TTC7A: variants seen among roughly 807,000 people sequenced by gnomAD.
TTC7A encodes tetratricopeptide repeat protein 7A.
A neutral mutation model predicts 103.7 loss-of-function variants in TTC7A; 110 were observed. That is an observed-to-expected ratio of 1.06 (90% CI 0.91 to 1.24). The LOEUF (loss-of-function observed/expected upper bound fraction) is 1.24, where lower values mean the gene tolerates loss of function less well. TTC7A is among the 50% of genes most tolerant of loss of function. The probability of loss-of-function intolerance (pLI) is 0.00; values close to 1 mark genes in which losing one functional copy is unlikely to be tolerated. For missense variants in TTC7A, 1,340 were observed against 1,116.3 expected, an observed-to-expected ratio of 1.20 and a Z score of -2.86; for synonymous variants, 521 against 467.9, an observed-to-expected ratio of 1.11 and a Z score of -1.47.
intron 14 of TTC7A, among the ~76,000 whole-genome samples, chr2:47,026,015 G>A (rs566264809): frequency 9.8e-5 from 15 of 152,354 alleles, no homozygotes; most frequent in African/African-American, 2.6e-4. Flanking sequence ...ATCCCTCTCT[G>A]ATGAATAGCA....
At position 47,024,278 on chromosome 2, in the gene TTC7A, C is replaced by T. The variant is rs375554852; in HGVS notation, c.1569-9C>T. On this transcript the variant is annotated splice_polypyrimidine_tract_variant and intron_variant, in intron 13 of 19. Coordinates refer to ENST00000319190, the MANE Select transcript of TTC7A (RefSeq NM_020458.4). ...GGTGCCTGACTTGTCACTCCCTCTCCCCACACAGGGCTCAGCAGCTGGCGC... is the reference window on the plus strand; with the variant it reads ...GGTGCCTGACTTGTCACTCCCTCTCTCCACACAGGGCTCAGCAGCTGGCGC... 3.0e-5 allele frequency: 48 copies of T among 1,592,472 alleles called. No homozygotes were observed. In the African/African-American group the frequency reaches 5.5e-4, roughly 18 times the overall value.
chr2:46,962,938 A>G (rs1332312572), intron 3 of TTC7A, among the ~76,000 whole-genome samples: 1 of 152,224 alleles, frequency 6.6e-6, no homozygotes, highest in Non-Finnish European at 1.5e-5. Flanking sequence ...CCTTTGGGCA[A>G]TTGCCATTGC....
At chr2:47,042,610 T>C (rs1681872600) in intron 15 of TTC7A, among the ~76,000 whole-genome samples, 1 of 152,158 alleles carries the variant, frequency 6.6e-6, no homozygotes, top group African/African-American at 2.4e-5. Flanking sequence ...TGCCAAAGTA[T>C]ATTTTGGGGT....
intron 3 of TTC7A, among the ~76,000 whole-genome samples, chr2:46,964,070 C>G (rs1157645950): frequency 6.6e-6 from 1 of 152,218 alleles, no homozygotes; most frequent in African/African-American, 2.4e-5. Context: ...TCAGGTTACA[C>G]CAGTAGTTGC....
intron 2 of TTC7A, among the ~76,000 whole-genome samples, chr2:46,955,657 G>A (rs985461801): frequency 1.6e-4 from 24 of 152,204 alleles, no homozygotes; most frequent in African/African-American, 5.1e-4. Flanking sequence ...GGTGAATTTG[G>A]CTTCCCCAGA....
rs373334743 is a variant in TTC7A at position 47,031,155 on chromosome 2, AAGAG to A, written c.1802+1779_1802+1782del. Among the ~76,000 whole-genome samples, 25 of 152,330 alleles carry A rather than the reference AAGAG, an allele frequency of 1.6e-4. No homozygotes were observed. In the East Asian group the frequency reaches 4.1e-3, roughly 25 times the overall value. On this transcript the variant is annotated intron_variant, in intron 15 of 19. Coordinates refer to ENST00000319190, the MANE Select transcript of TTC7A (RefSeq NM_020458.4). ...GAGCGAGACTCAGTCTCAAAAAAGA[AAGAG>A]AGAGAGACTGCTAAAATTCCAGTCA...
intron 19 of TTC7A, among the ~76,000 whole-genome samples, chr2:47,070,617 G>A (rs1208329719): frequency 6.6e-6 from 1 of 152,160 alleles, no homozygotes; most frequent in African/African-American, 2.4e-5. Flanking sequence ...TGGTCAGGAG[G>A]AGCTCCGCCC....
intron 5 of TTC7A, among the ~76,000 whole-genome samples, chr2:46,983,898 T>C (rs1674737667): frequency 6.6e-6 from 1 of 152,232 alleles, no homozygotes; most frequent in Non-Finnish European, 1.5e-5. Context: ...GAGGAGCTGT[T>C]CTTATCTATG....
intron 19 of TTC7A, among the ~76,000 whole-genome samples, chr2:47,066,433 C>T (rs1009606064): frequency 6.6e-6 from 1 of 152,148 alleles, no homozygotes; most frequent in African/African-American, 2.4e-5. Context: ...CCCATCCAAG[C>T]CCAGAGCCTT....
At chr2:47,061,060 A>C in intron 19 of TTC7A, 89 bp downstream of exon 19, 2 of 1,338,430 alleles carry the variant, frequency 1.5e-6, no homozygotes, top group Non-Finnish European at 2.0e-6. Context: ...CCCATACTCC[A>C]CTGCCTGCCT....
At chr2:46,962,475 G>A (rs1389127659) in intron 3 of TTC7A, among the ~76,000 whole-genome samples, 1 of 152,168 alleles carries the variant, frequency 6.6e-6, no homozygotes, top group Non-Finnish European at 1.5e-5. Context: ...AGTAAAATTT[G>A]TCAGCAGTTG....
rs371401000 is a variant in TTC7A at position 46,999,003 on chromosome 2, A to C, written c.1065+3804A>C. On this transcript the variant is annotated intron_variant, in intron 8 of 19. Coordinates refer to ENST00000319190, the MANE Select transcript of TTC7A (RefSeq NM_020458.4). The stretch of plus-strand genomic sequence containing the variant: ...TTCGGAGCCAAAATGACATTTAAAA[A>C]TCCACATACTTATCATTGATTCATT... 2.2e-4 allele frequency among the ~76,000 whole-genome samples: 33 copies of C among 152,290 alleles called. 1 individual carries two copies. The East Asian group carries it at 2.3e-3, about 11-fold the overall frequency.
chr2:46,980,266 C>T (rs1009055695), intron 5 of TTC7A, among the ~76,000 whole-genome samples: 1 of 139,362 alleles, frequency 7.2e-6, no homozygotes, highest in East Asian at 2.1e-4. Flanking sequence ...GACATCCAGG[C>T]TGGAGTGCAA....
chr2:47,071,908 G>A (rs1041925009), intron 19 of TTC7A, among the ~76,000 whole-genome samples: 1 of 152,236 alleles, frequency 6.6e-6, no homozygotes, highest in Non-Finnish European at 1.5e-5. Context: ...AGCCACTCCG[G>A]CCCTGGCCCT....
At chr2:46,949,771 AT>A (rs1234603867) in intron 1 of TTC7A, among the ~76,000 whole-genome samples, 2 of 152,098 alleles carry the variant, frequency 1.3e-5, no homozygotes, top group African/African-American at 4.8e-5. Context: ...GATGCCTGTA[AT>A]CCCAGCACTT....
chr2:46,982,226 T>C (rs925290931), intron 5 of TTC7A, among the ~76,000 whole-genome samples: 5 of 151,620 alleles, frequency 3.3e-5, no homozygotes, highest in African/African-American at 9.7e-5. Flanking sequence ...TAAACAAAAC[T>C]GGCCAGGCTT....
At chr2:46,918,665 T>C (rs1232273150) in intron 2 of TTC7A, among the ~76,000 whole-genome samples, 1 of 152,230 alleles carries the variant, frequency 6.6e-6, no homozygotes, top group Admixed American at 6.5e-5. Context: ...TTGGTGACCC[T>C]TATAAGCCGT....
intron 5 of TTC7A, among the ~76,000 whole-genome samples, chr2:46,986,810 T>C (rs1675063163): frequency 6.6e-6 from 1 of 152,168 alleles, no homozygotes; most frequent in Non-Finnish European, 1.5e-5. Flanking sequence ...CATTGAGGAC[T>C]TGACCTAATT....
intron 14 of TTC7A, among the ~76,000 whole-genome samples, chr2:47,025,158 G>A (rs999498593): frequency 3.9e-5 from 6 of 152,192 alleles, no homozygotes; most frequent in Non-Finnish European, 7.4e-5. Context: ...GCTCCAGGCC[G>A]GCGGAGGGAA....
Sources: allele counts gnomAD v4.1 joint callset (sites outside exome capture counted in the v4.1 genomes callset), GRCh38; gene constraint gnomAD v4.1.1; transcripts MANE v1.5; gene names NCBI Gene and HGNC (gene_info 2026-07-23, HGNC 2026-07-21).